Variants in BCHE observed in about 807,000 individuals in gnomAD.
The protein encoded by BCHE is butyrylcholinesterase, also known as cholinesterase.
In BCHE, 48 loss-of-function variants were observed where a neutral mutation model predicts 51.3. The observed-to-expected ratio is 0.94, with a 90% CI of 0.74 to 1.19. The LOEUF (loss-of-function observed/expected upper bound fraction) is 1.19. Ranked by LOEUF, BCHE falls within the 50% of genes most tolerant of loss-of-function variation. BCHE has a pLI of 0.00. For missense variants in BCHE, 847 were observed against 708.2 expected (o/e 1.20, Z -2.23); for synonymous variants, 251 against 238.0 (o/e 1.05, Z -0.50).
Position 165,829,506 on chromosome 3 carries a change from TC to T in BCHE, c.1517+10del. 1 of 1,606,052 alleles carries T rather than the reference TC, an allele frequency of 6.2e-7. No individual in the cohort carries two copies. The highest frequency in any genetic ancestry group is 8.5e-7 in the Non-Finnish European group (1 of 1,172,974). ...CCAAGCCAGAGAACAATGACAAAAA[TC>T]AGCACTTACCCATATTTTGCAAAAT... is the stretch of plus-strand genomic sequence containing the variant. On this transcript the variant is annotated intron_variant, in intron 2 of 3. Transcript: ENST00000264381.
chr3:165,820,163 T>C (rs1177509931), intron 2 of BCHE, among the ~76,000 whole-genome samples: 2 of 150,466 alleles, frequency 1.3e-5, no homozygotes, highest in Non-Finnish European at 1.5e-5. Flanking sequence ...TGATCAAACA[T>C]ATCTCAGTTT....
At chr3:165,774,274 A>G (rs973228398) in intron 3 of BCHE, among the ~76,000 whole-genome samples, 7 of 152,082 alleles carry the variant, frequency 4.6e-5, no homozygotes, top group Admixed American at 2.0e-4. Flanking sequence ...GCATAAGGAT[A>G]ACTTTTTAAT....
rs192737225 is a variant in BCHE at position 165,783,354 on chromosome 3, A to G, written c.1684+2791T>C. Among the ~76,000 whole-genome samples the G allele has an allele frequency of 1.1e-3, 169 of 152,210 alleles. 1 individual carries two copies. The highest frequency in any genetic ancestry group is 1.4e-3 in the Non-Finnish European group (94 of 67,970). The stretch of plus-strand genomic sequence containing the variant: ...CATGTAGTTTAAAGTGGAACAGTTA[A>G]TTTAACTTGATTATTAAGTTATTCG... On this transcript the variant is annotated intron_variant, in intron 3 of 3. Coordinates refer to ENST00000264381, the MANE Select transcript of BCHE (RefSeq NM_000055.4).
chr3:165,829,110 T>C (rs1342528242), intron 2 of BCHE, among the ~76,000 whole-genome samples: 2 of 152,140 alleles, frequency 1.3e-5, no homozygotes, highest in Non-Finnish European at 2.9e-5. Context: ...TCAGGTATCA[T>C]GGTACCAAGC....
intron 2 of BCHE, chr3:165,828,164 T>C (rs2108233341): frequency 4.6e-6 from 2 of 433,830 alleles, no homozygotes; most frequent in Middle Eastern, 3.5e-4. Context: ...ATTAAAGAAA[T>C]GTTGCATGAG....
At chr3:165,812,552 C>T (rs569170326) in intron 2 of BCHE, among the ~76,000 whole-genome samples, 1 of 151,800 alleles carries the variant, frequency 6.6e-6, no homozygotes, top group East Asian at 1.9e-4. Context: ...ATAATCACAT[C>T]TTTATTTCAT....
chr3:165,802,279 T>C (rs1176175136), intron 2 of BCHE, among the ~76,000 whole-genome samples: 3 of 152,216 alleles, frequency 2.0e-5, no homozygotes, highest in African/African-American at 2.4e-5. Context: ...TTATCAGAGA[T>C]TGTCAAACAA....
intron 2 of BCHE, among the ~76,000 whole-genome samples, chr3:165,826,521 G>C (rs1055707430): frequency 1.3e-5 from 2 of 152,078 alleles, no homozygotes; most frequent in East Asian, 1.9e-4. Context: ...GGTGGGGGGG[G>C]ACTTTATTCT....
At chr3:165,797,509 T>C (rs961025610) in intron 2 of BCHE, among the ~76,000 whole-genome samples, 2 of 151,628 alleles carry the variant, frequency 1.3e-5, no homozygotes, top group East Asian at 3.9e-4. Context: ...ACTGTTATCA[T>C]TTGAATGCGA....
chr3:165,817,436 A>G (rs1019916551), intron 2 of BCHE, among the ~76,000 whole-genome samples: 2 of 151,994 alleles, frequency 1.3e-5, no homozygotes, highest in Non-Finnish European at 2.9e-5. Flanking sequence ...GATTTCAGAA[A>G]CTCATCCAAG....
At chr3:165,788,933 T>G (rs1280940325) in intron 2 of BCHE, among the ~76,000 whole-genome samples, 1 of 152,160 alleles carries the variant, frequency 6.6e-6, no homozygotes, top group East Asian at 1.9e-4. Context: ...TGAAGAAATC[T>G]CCAAAGACTT....
chr3:165,791,286 C>T (rs1713154563), intron 2 of BCHE, among the ~76,000 whole-genome samples: 1 of 151,730 alleles, frequency 6.6e-6, no homozygotes, highest in Admixed American at 6.6e-5. Context: ...CAGAGCAAGA[C>T]TCCATCTTGG....
Position 165,784,923 on chromosome 3 carries a change from C to G in BCHE, c.1684+1222G>C, listed in dbSNP as rs115826069. On this transcript the variant is annotated intron_variant, in intron 3 of 3. Transcript: ENST00000264381. Reference sequence around the variant, plus strand: ...TTGGCATATTAATGAGTTACCTCATCGTTATTTACACCCGGAGGACAAAAG... The same window carrying G: ...TTGGCATATTAATGAGTTACCTCATGGTTATTTACACCCGGAGGACAAAAG... Among the ~76,000 whole-genome samples, 575 of 151,768 alleles carry G rather than the reference C, an allele frequency of 3.8e-3. 3 individuals are homozygous for G. The highest frequency in any genetic ancestry group is 6.3e-3 in the Non-Finnish European group (429 of 67,784).
At chr3:165,807,717 G>A (rs1713920678) in intron 2 of BCHE, among the ~76,000 whole-genome samples, 1 of 151,376 alleles carries the variant, frequency 6.6e-6, no homozygotes, top group Admixed American at 6.6e-5. Flanking sequence ...ACCACACTTG[G>A]CAATTTTTTT....
intron 2 of BCHE, among the ~76,000 whole-genome samples, chr3:165,805,395 A>G (rs1713830750): frequency 6.6e-6 from 1 of 152,190 alleles, no homozygotes; most frequent in African/African-American, 2.4e-5. Flanking sequence ...AGGGCTTTAG[A>G]AGCTTAGAAA....
At chr3:165,813,238 C>A (rs1030014108) in intron 2 of BCHE, among the ~76,000 whole-genome samples, 1 of 151,678 alleles carries the variant, frequency 6.6e-6, no homozygotes, top group Non-Finnish European at 1.5e-5. Context: ...TAGTTGAAAT[C>A]TCTCTATTGC....
At chr3:165,789,669 C>T (rs1713094338) in intron 2 of BCHE, among the ~76,000 whole-genome samples, 1 of 151,906 alleles carries the variant, frequency 6.6e-6, no homozygotes, top group South Asian at 2.1e-4. Flanking sequence ...TAGATGAAAT[C>T]TTTCACTGTC....
chr3:165,812,075 G>A (rs147577689), intron 2 of BCHE, among the ~76,000 whole-genome samples: 285 of 152,008 alleles, frequency 1.9e-3, no homozygotes, highest in African/African-American at 6.7e-3. Flanking sequence ...AAGAACAGAC[G>A]GAGGACCACC....
At chr3:165,775,970 G>T (rs1276315131) in intron 3 of BCHE, among the ~76,000 whole-genome samples, 5 of 151,392 alleles carry the variant, frequency 3.3e-5, no homozygotes, top group African/African-American at 1.2e-4. Flanking sequence ...TTTCATATTG[G>T]CTTGTTTATT....
Sources: allele counts gnomAD v4.1 joint callset (sites outside exome capture counted in the v4.1 genomes callset), GRCh38; gene constraint gnomAD v4.1.1; transcripts MANE v1.5; gene names NCBI Gene and HGNC (gene_info 2026-07-23, HGNC 2026-07-21).